Variants in CNTNAP2 observed in about 807,000 individuals in gnomAD.
CNTNAP2 encodes the protein contactin-associated protein-like 2.
CNTNAP2 carries 98 observed loss-of-function variants against 155.2 expected under a neutral mutation model. The observed-to-expected ratio is 0.63, with a 90% CI of 0.54 to 0.75. CNTNAP2 has a LOEUF of 0.75. Ranked by LOEUF, CNTNAP2 falls within the 30% of genes least tolerant of loss-of-function variation. The pLI is 0.00. For synonymous variants in CNTNAP2, 651 were observed against 631.2 expected (o/e 1.03, Z -0.47); for missense variants, 1,727 against 1,688.1 (o/e 1.02, Z -0.40).
intron 4 of CNTNAP2, among the ~76,000 whole-genome samples, chr7:147,066,294 C>G (rs1356285044): frequency 2.6e-5 from 4 of 152,128 alleles, no homozygotes; most frequent in African/African-American, 9.7e-5. Flanking sequence ...CCATTACAGC[C>G]AAGACATCAT....
intron 8 of CNTNAP2, among the ~76,000 whole-genome samples, chr7:147,142,582 G>A (rs907299569): frequency 6.6e-6 from 1 of 152,010 alleles, no homozygotes; most frequent in East Asian, 1.9e-4. Flanking sequence ...GATGATGCTG[G>A]CCTCATAAAA....
chr7:148,072,715 G>A (rs1803404390), intron 15 of CNTNAP2, among the ~76,000 whole-genome samples: 1 of 151,992 alleles, frequency 6.6e-6, no homozygotes, highest in African/African-American at 2.4e-5. Flanking sequence ...ACTGTCTTTT[G>A]TTTTTGTTTT....
chr7:148,123,178 C>A (rs765672524), intron 16 of CNTNAP2, among the ~76,000 whole-genome samples: 1 of 152,126 alleles, frequency 6.6e-6, no homozygotes, highest in African/African-American at 2.4e-5. Context: ...GTCATCATCA[C>A]TTAGAGGATC....
At chr7:147,442,297 T>G (rs893720774) in intron 10 of CNTNAP2, among the ~76,000 whole-genome samples, 1 of 152,128 alleles carries the variant, frequency 6.6e-6, no homozygotes, top group African/African-American at 2.4e-5. Context: ...CCACTACAGG[T>G]CCTCAGTGAA....
At chr7:147,952,590 T>C (rs532732188) in intron 14 of CNTNAP2, among the ~76,000 whole-genome samples, 1 of 152,208 alleles carries the variant, frequency 6.6e-6, no homozygotes, top group East Asian at 1.9e-4. Flanking sequence ...TTAACTATCA[T>C]AGATTATTAG....
intron 3 of CNTNAP2, among the ~76,000 whole-genome samples, chr7:146,893,208 C>T (rs911686252): frequency 6.6e-6 from 1 of 151,992 alleles, no homozygotes. Context: ...TGAGCTATTT[C>T]ATTTTTTCCT....
At chr7:146,465,793 TG>T (rs1796708808) in intron 1 of CNTNAP2, among the ~76,000 whole-genome samples, 1 of 152,192 alleles carries the variant, frequency 6.6e-6, no homozygotes. Context: ...AGAATTTATT[TG>T]GTTTATGTTG....
At chr7:148,126,348 A>G (rs182689318) in intron 16 of CNTNAP2, among the ~76,000 whole-genome samples, 17 of 152,322 alleles carry the variant, frequency 1.1e-4, no homozygotes, top group African/African-American at 3.8e-4. Flanking sequence ...TGTTGAATGA[A>G]TGAAATGAAT....
chr7:146,851,408 A>G (rs904459135), intron 3 of CNTNAP2, among the ~76,000 whole-genome samples: 11 of 152,264 alleles, frequency 7.2e-5, no homozygotes, highest in African/African-American at 2.6e-4. Flanking sequence ...ATTTTTAAAG[A>G]AAGTACTATT....
At chr7:147,978,592 T>C (rs1319837452) in intron 15 of CNTNAP2, among the ~76,000 whole-genome samples, 2 of 151,804 alleles carry the variant, frequency 1.3e-5, no homozygotes, top group African/African-American at 4.8e-5. Context: ...GGAGTTGGAG[T>C]GATGGTCCCT....
chr7:147,276,594 T>G (rs1169282186), intron 8 of CNTNAP2, among the ~76,000 whole-genome samples: 4 of 152,050 alleles, frequency 2.6e-5, no homozygotes, highest in Admixed American at 6.6e-5. Context: ...GTAATGGTTT[T>G]AATGCAGACA....
intron 21 of CNTNAP2, among the ~76,000 whole-genome samples, chr7:148,284,381 T>A (rs1797045835): frequency 1.3e-5 from 2 of 152,162 alleles, no homozygotes; most frequent in African/African-American, 4.8e-5. Flanking sequence ...TGCTGCCATG[T>A]AAGATGTGCC....
chr7:147,233,675 A>C (rs549486895), intron 8 of CNTNAP2, among the ~76,000 whole-genome samples: 13 of 152,138 alleles, frequency 8.5e-5, no homozygotes, highest in Admixed American at 7.9e-4. Context: ...ACACATACAC[A>C]TACACATGTA....
intron 1 of CNTNAP2, among the ~76,000 whole-genome samples, chr7:146,645,244 A>G (rs1799791001): frequency 6.6e-6 from 1 of 152,194 alleles, no homozygotes; most frequent in Non-Finnish European, 1.5e-5. Context: ...TGTGTATCAC[A>G]AGAAAAAAAT....
chr7:147,538,048 TTC>T (rs1799578625), intron 11 of CNTNAP2, among the ~76,000 whole-genome samples: 1 of 152,222 alleles, frequency 6.6e-6, no homozygotes, highest in Non-Finnish European at 1.5e-5. Flanking sequence ...GACTGTTTGA[TTC>T]TAACCTTCTG....
intron 8 of CNTNAP2, among the ~76,000 whole-genome samples, chr7:147,273,802 A>G (rs1383433391): frequency 2.0e-5 from 3 of 146,950 alleles, no homozygotes; most frequent in African/African-American, 7.4e-5. Context: ...ATATATTTTT[A>G]TATCTATACA....
intron 1 of CNTNAP2, among the ~76,000 whole-genome samples, chr7:146,325,482 CT>C (rs1448572876): frequency 1.3e-5 from 2 of 152,098 alleles, no homozygotes; most frequent in African/African-American, 4.8e-5. Flanking sequence ...TGAATATTGT[CT>C]TTCCTTTTGT....
chr7:146,744,240 A>G (rs1271787500), intron 1 of CNTNAP2, among the ~76,000 whole-genome samples: 1 of 151,418 alleles, frequency 6.6e-6, no homozygotes, highest in Non-Finnish European at 1.5e-5. Context: ...AAAAAAAAAA[A>G]AAAAAAAAAA....
At chr7:147,028,754 A>G (rs1217753549) in intron 3 of CNTNAP2, among the ~76,000 whole-genome samples, 1 of 152,166 alleles carries the variant, frequency 6.6e-6, no homozygotes, top group Admixed American at 6.5e-5. Context: ...TAGTGAAGGA[A>G]ACAGATAATA....
Sources: allele counts gnomAD v4.1 joint callset (sites outside exome capture counted in the v4.1 genomes callset), GRCh38; gene constraint gnomAD v4.1.1; transcripts MANE v1.5; gene names NCBI Gene and HGNC (gene_info 2026-07-23, HGNC 2026-07-21).